Variants in NDST3 observed in about 807,000 individuals in gnomAD.
NDST3 encodes the protein N-deacetylase and N-sulfotransferase 3.
NDST3 carries 58 observed loss-of-function variants against 96.1 expected under a neutral mutation model. That is an observed-to-expected ratio of 0.60 (90% CI 0.49 to 0.75). NDST3 has a LOEUF of 0.75. NDST3 is among the 30% of genes least tolerant of loss of function. NDST3 has a pLI of 0.00. For missense variants in NDST3, 788 were observed against 1,034.2 expected, an observed-to-expected ratio of 0.76 and a Z score of 3.27; for synonymous variants, 333 against 359.7, an observed-to-expected ratio of 0.93 and a Z score of 0.84.
chr4:118,229,157 C>T (rs929797359), intron 8 of NDST3, among the ~76,000 whole-genome samples: 3 of 152,052 alleles, frequency 2.0e-5, no homozygotes, highest in African/African-American at 7.2e-5. Context: ...AAAAACTAGC[C>T]AGGCGTGGTG....
At chr4:118,222,420 A>T (rs1739611330) in intron 6 of NDST3, among the ~76,000 whole-genome samples, 2 of 152,104 alleles carry the variant, frequency 1.3e-5, no homozygotes, top group South Asian at 4.2e-4. Context: ...GTTCAAAAAG[A>T]AATTGAAATG....
chr4:118,066,015 T>A (rs1004378526), intron 2 of NDST3, among the ~76,000 whole-genome samples: 15 of 138,116 alleles, frequency 1.1e-4, no homozygotes, highest in Admixed American at 8.4e-4. Context: ...AGATCTATCC[T>A]CAAAAATAAT....
rs780453299 is a variant in NDST3 at position 118,226,894 on chromosome 4, C to A, written c.1731C>A (p.Cys577Ter). Reference sequence around the variant, plus strand: ...GTTCTTCTCCCATTTAGAATCCTTGCGATGACAAACGCCACAGAGACATTT... The same window carrying A: ...GTTCTTCTCCCATTTAGAATCCTTGAGATGACAAACGCCACAGAGACATTT... ...DQKDPLWQNP[C>*]DDKRHRDIWS... The change falls in exon 8 of 14, where the codon TGC becomes TGA. Residue 577 changes from cysteine (C) to a stop codon, truncating the protein, a stop_gained. Coordinates refer to ENST00000296499, the MANE Select transcript of NDST3 (RefSeq NM_004784.3). LOFTEE classifies it high-confidence loss of function. 1 of 1,609,302 alleles carries A rather than the reference C, an allele frequency of 6.2e-7. No individual in the cohort carries two copies. Among genetic ancestry groups the A allele is most frequent in the Non-Finnish European group, 8.5e-7 (1 of 1,178,084 alleles).
At chr4:118,196,466 C>T (rs917751168) in intron 6 of NDST3, among the ~76,000 whole-genome samples, 2 of 152,086 alleles carry the variant, frequency 1.3e-5, no homozygotes, top group African/African-American at 4.8e-5. Flanking sequence ...GTATTGAAGT[C>T]ATTGGGTCCT....
At chr4:118,035,893 A>T (rs2110415967) in intron 1 of NDST3, among the ~76,000 whole-genome samples, 1 of 152,188 alleles carries the variant, frequency 6.6e-6, no homozygotes, top group South Asian at 2.1e-4. Context: ...TTTTAGATAA[A>T]ATAAAACTTT....
intron 6 of NDST3, among the ~76,000 whole-genome samples, chr4:118,191,539 T>C (rs547350657): frequency 6.6e-6 from 1 of 152,158 alleles, no homozygotes; most frequent in Non-Finnish European, 1.5e-5. Context: ...GGACTCAGCA[T>C]GGATGGGTCT....
At chr4:118,230,612 CAA>C in intron 8 of NDST3, among the ~76,000 whole-genome samples, 1 of 151,642 alleles carries the variant, frequency 6.6e-6, no homozygotes. Flanking sequence ...TGGGTTATAA[CAA>C]AGACTTACCG....
intron 1 of NDST3, among the ~76,000 whole-genome samples, chr4:118,051,342 C>T (rs1280536895): frequency 1.3e-5 from 2 of 151,992 alleles, no homozygotes; most frequent in African/African-American, 4.8e-5. Context: ...ATGATATCAG[C>T]CTTGGCAAAG....
intron 6 of NDST3, among the ~76,000 whole-genome samples, chr4:118,217,661 G>A (rs1016779729): frequency 1.1e-4 from 17 of 151,946 alleles, no homozygotes; most frequent in Non-Finnish European, 2.4e-4. Flanking sequence ...AGAACATGAA[G>A]TAAATTACAG....
chr4:118,183,146 A>G (rs1390657676), intron 6 of NDST3, among the ~76,000 whole-genome samples: 1 of 152,180 alleles, frequency 6.6e-6, no homozygotes, highest in African/African-American at 2.4e-5. Context: ...CCACCAGACG[A>G]CACTACAGGC....
rs780719218 is a variant in NDST3 at position 118,167,509 on chromosome 4, C to A, written c.1539+23825C>A. On this transcript the variant is annotated intron_variant, in intron 6 of 13. Coordinates refer to ENST00000296499, the MANE Select transcript of NDST3 (RefSeq NM_004784.3). ...CTCAAAGTAATCTACAGATTAAATG[C>A]AAACCTCATCAAAATCCCAGTGGCA... is the stretch of plus-strand genomic sequence containing the variant. Among the ~76,000 whole-genome samples the A allele has an allele frequency of 5.5e-4, 84 of 151,950 alleles. 1 individual carries two copies. Among genetic ancestry groups the A allele is most frequent in the Non-Finnish European group, 6.6e-4 (45 of 67,832 alleles).
At chr4:118,104,933 C>T in intron 2 of NDST3, 85 bp from the exon 3 acceptor site, 2 of 1,057,144 alleles carry the variant, frequency 1.9e-6, no homozygotes, top group Non-Finnish European at 2.9e-6. Context: ...CTGGTTTTAT[C>T]CTCTGAATGC....
intron 6 of NDST3, among the ~76,000 whole-genome samples, chr4:118,177,309 A>C (rs933332356): frequency 6.6e-6 from 1 of 152,000 alleles, no homozygotes; most frequent in Non-Finnish European, 1.5e-5. Context: ...TTTCTCATTA[A>C]AATGGCATGC....
intron 2 of NDST3, among the ~76,000 whole-genome samples, chr4:118,092,811 T>C (rs1728984484): frequency 6.6e-6 from 1 of 151,870 alleles, no homozygotes; most frequent in Non-Finnish European, 1.5e-5. Flanking sequence ...CAAGTAAGTA[T>C]ATAGCATAAC....
chr4:118,128,278 G>T (rs1732292819), intron 4 of NDST3, among the ~76,000 whole-genome samples: 1 of 151,952 alleles, frequency 6.6e-6, no homozygotes, highest in Admixed American at 6.6e-5. Flanking sequence ...TTAGAGGAAA[G>T]CCTTTCAGTT....
chr4:118,201,371 A>G (rs1214934754), intron 6 of NDST3, among the ~76,000 whole-genome samples: 1 of 152,202 alleles, frequency 6.6e-6, no homozygotes, highest in Non-Finnish European at 1.5e-5. Context: ...ATTGCTTTCC[A>G]CAGTGGCTAA....
intron 1 of NDST3, among the ~76,000 whole-genome samples, chr4:118,041,258 T>C (rs1489120438): frequency 2.6e-5 from 4 of 152,176 alleles, no homozygotes; most frequent in Non-Finnish European, 5.9e-5. Flanking sequence ...GTTCTACCTC[T>C]ACTAGCTGTG....
chr4:118,199,879 C>A (rs904332382), intron 6 of NDST3, among the ~76,000 whole-genome samples: 2 of 152,150 alleles, frequency 1.3e-5, no homozygotes, highest in Non-Finnish European at 2.9e-5. Flanking sequence ...GACTCTGGTT[C>A]TCTTCCTTTA....
intron 6 of NDST3, among the ~76,000 whole-genome samples, chr4:118,190,293 G>C (rs1440369184): frequency 1.3e-5 from 2 of 151,816 alleles, no homozygotes; most frequent in Non-Finnish European, 2.9e-5. Flanking sequence ...TTTTTTAACA[G>C]ACCTAAATAT....
Sources: gnomAD v4.1 joint callset for allele counts (sites outside exome capture counted in the v4.1 genomes callset) on GRCh38, gnomAD v4.1.1 for gene constraint, MANE v1.5 for transcripts, NCBI Gene and HGNC (gene_info 2026-07-23, HGNC 2026-07-21) for gene names.